Variants in PAPPA2 observed in about 807,000 individuals in gnomAD.
The protein encoded by PAPPA2 is pappalysin-2.
In PAPPA2, 86 loss-of-function variants were observed where a neutral mutation model predicts 176.4. That is an observed-to-expected ratio of 0.49 (90% CI 0.41 to 0.58). The LOEUF (loss-of-function observed/expected upper bound fraction) is 0.58. PAPPA2 is among the 20% of genes least tolerant of loss of function. PAPPA2 has a pLI of 0.00. For synonymous variants in PAPPA2, 809 were observed against 852.2 expected (o/e 0.95, Z 0.88); for missense variants, 2,073 against 2,256.9 (o/e 0.92, Z 1.65).
At chr1:176,772,618 G>A (rs918320187) in intron 17 of PAPPA2, among the ~76,000 whole-genome samples, 1 of 152,128 alleles carries the variant, frequency 6.6e-6, no homozygotes, top group African/African-American at 2.4e-5. Context: ...GGGCCAGGCT[G>A]ATTAGAACAT....
At position 176,791,545 on chromosome 1, in the gene PAPPA2, A is replaced by T. The variant is rs1428185388; in HGVS notation, c.5020+63A>T. On this transcript the variant is annotated intron_variant, in intron 19 of 22. Transcript: ENST00000367662. The stretch of plus-strand genomic sequence containing the variant: ...TCATTCTTTTATTAAGCACAGCTGA[A>T]TTTTTTTTAATTTTATTTATTTTTG... 3.9e-6 allele frequency: 6 copies of T among 1,529,100 alleles called. No homozygotes were observed. In the East Asian group the frequency reaches 6.9e-5, roughly 18 times the overall value. The allele number at this position is 1,529,100 out of a possible 1,614,324, so 94.7% of individuals were successfully genotyped here.
intron 3 of PAPPA2, among the ~76,000 whole-genome samples, chr1:176,650,374 A>C (rs1021406870): frequency 1.3e-5 from 2 of 150,366 alleles, no homozygotes; most frequent in African/African-American, 4.9e-5. Flanking sequence ...ATTTTCAGTC[A>C]AGACAATCAT....
intron 20 of PAPPA2, among the ~76,000 whole-genome samples, chr1:176,797,424 G>T (rs190110000): frequency 6.6e-6 from 1 of 152,244 alleles, no homozygotes; most frequent in Admixed American, 6.5e-5. Flanking sequence ...TAGGAGAATT[G>T]CTTGAGGCCA....
chr1:176,514,673 A>G (rs1314950764), intron 1 of PAPPA2, among the ~76,000 whole-genome samples: 6 of 152,204 alleles, frequency 3.9e-5, no homozygotes, highest in African/African-American at 1.4e-4. Flanking sequence ...GACTTAAAAA[A>G]CGAGGTGTAG....
intron 17 of PAPPA2, among the ~76,000 whole-genome samples, chr1:176,786,343 T>A (rs998255041): frequency 6.6e-6 from 1 of 152,004 alleles, no homozygotes; most frequent in African/African-American, 2.4e-5. Flanking sequence ...CAGAAGTGTC[T>A]GGTGTTGCAA....
chr1:176,800,280 C>A, intron 21 of PAPPA2, 148 bp downstream of exon 21: 1 of 740,616 alleles, frequency 1.4e-6, no homozygotes, highest in Non-Finnish European at 2.1e-6. Context: ...GTTCCACGAT[C>A]TTAAATTTAC....
chr1:176,758,341 A>G (rs557948343), intron 14 of PAPPA2, among the ~76,000 whole-genome samples: 4 of 152,352 alleles, frequency 2.6e-5, no homozygotes, highest in African/African-American at 9.6e-5. Flanking sequence ...GTGAGGAGGA[A>G]GCAGAATGGG....
chr1:176,633,403 C>T (rs1656468946), intron 3 of PAPPA2, among the ~76,000 whole-genome samples: 1 of 152,078 alleles, frequency 6.6e-6, no homozygotes, highest in African/African-American at 2.4e-5. Context: ...AGAATTATTC[C>T]AATAACTCAA....
intron 3 of PAPPA2, among the ~76,000 whole-genome samples, chr1:176,615,950 G>A (rs1232975533): frequency 2.0e-5 from 3 of 152,194 alleles, no homozygotes; most frequent in Non-Finnish European, 4.4e-5. Context: ...GTATCGATAA[G>A]ATTCTGGCAT....
At chr1:176,540,509 G>A (rs1650308849) in intron 1 of PAPPA2, among the ~76,000 whole-genome samples, 1 of 152,166 alleles carries the variant, frequency 6.6e-6, no homozygotes, top group South Asian at 2.1e-4. Context: ...TCTCCCTAAT[G>A]TATCTGTGAG....
intron 2 of PAPPA2, among the ~76,000 whole-genome samples, chr1:176,569,699 G>A (rs1418360508): frequency 1.3e-5 from 2 of 152,204 alleles, no homozygotes; most frequent in Non-Finnish European, 2.9e-5. Context: ...GGCTGCATCT[G>A]TTCCTTGCTG....
At chr1:176,467,573 G>A (rs575404104) in intron 1 of PAPPA2, among the ~76,000 whole-genome samples, 1 of 152,296 alleles carries the variant, frequency 6.6e-6, no homozygotes, top group East Asian at 1.9e-4. Context: ...TGTTGAATCA[G>A]GGGCAGTGGA....
In PAPPA2 at chr1:176,758,716, A is replaced by G. The variant is rs1663554273; in HGVS notation, c.4152-6950A>G. Among the ~76,000 whole-genome samples the G allele has an allele frequency of 2.6e-5, 4 of 152,348 alleles. No homozygotes were observed. In the South Asian group the frequency reaches 8.3e-4, roughly 32 times the overall value. On this transcript the variant is annotated intron_variant, in intron 14 of 22. Transcript: ENST00000367662. ...ACTTCTTGGATAAATGAATTGCAAT[A>G]TTTTGTTTAACTGAACAACTGAAAA...
At position 176,690,426 on chromosome 1, in the gene PAPPA2, C is replaced by T. The variant is rs762559140; in HGVS notation, c.2427C>T (p.Tyr809=). ...CTCCGTTCACCAACTACATGAGCTA[C>T]ACGGGTATCACCACTGTCTTGTTTT... ...PGAPFTNYMS[Y]TDDNCTDNFT... is the part of the protein sequence containing the mutation. Residue 809 remains tyrosine, a synonymous_variant, in exon 5 of 23, where the codon TAC becomes TAT. Coordinates refer to ENST00000367662, the MANE Select transcript of PAPPA2 (RefSeq NM_020318.3). The T allele has an allele frequency of 1.9e-6, 3 of 1,613,908 alleles. No individual in the cohort carries two copies. The highest frequency in any genetic ancestry group is 3.3e-5 in the Admixed American group (2 of 60,024).
At chr1:176,820,122 A>G (rs1284013319) in intron 21 of PAPPA2, among the ~76,000 whole-genome samples, 1 of 152,084 alleles carries the variant, frequency 6.6e-6, no homozygotes, top group Non-Finnish European at 1.5e-5. Flanking sequence ...TGGATACTTA[A>G]CCAAACTAAA....
At chr1:176,661,148 T>C (rs1163091236) in intron 3 of PAPPA2, among the ~76,000 whole-genome samples, 4 of 152,142 alleles carry the variant, frequency 2.6e-5, no homozygotes, top group African/African-American at 9.7e-5. Flanking sequence ...TTTGCTTAAA[T>C]ATATCTTCCC....
intron 21 of PAPPA2, among the ~76,000 whole-genome samples, chr1:176,838,268 A>G (rs1012620289): frequency 1.3e-5 from 2 of 152,158 alleles, no homozygotes; most frequent in Non-Finnish European, 2.9e-5. Context: ...ACCCATTCAA[A>G]TATTTAGATT....
intron 5 of PAPPA2, chr1:176,690,911 T>TA (rs3039065): frequency 0.086 from 78,293 of 914,966 alleles, 1,148 homozygotes; most frequent in African/African-American, 0.2. Flanking sequence ...TGTATGTTAC[T>TA]AAAAAAAAAA....
At chr1:176,676,898 A>G (rs183428866) in intron 4 of PAPPA2, among the ~76,000 whole-genome samples, 2 of 152,252 alleles carry the variant, frequency 1.3e-5, no homozygotes, top group Non-Finnish European at 1.5e-5. Flanking sequence ...AATGGTTTCA[A>G]GAAATGCTTA....
Sources: allele counts gnomAD v4.1 joint callset (sites outside exome capture counted in the v4.1 genomes callset), GRCh38; gene constraint gnomAD v4.1.1; transcripts MANE v1.5; gene names NCBI Gene and HGNC (gene_info 2026-07-23, HGNC 2026-07-21).